Variants in CDH7 observed in about 807,000 individuals in gnomAD.
The protein encoded by CDH7 is cadherin 7.
Under a neutral mutation model 71.8 loss-of-function variants are expected in CDH7, and 25 were observed. The ratio of observed to expected loss-of-function variants is 0.35; its 90% CI spans 0.25 to 0.49. The LOEUF is 0.49. Among genes scored for constraint, CDH7 ranks in the 20% least tolerant of loss-of-function variants. The pLI, the probability that CDH7 is intolerant of heterozygous loss-of-function variation, is 0.99. For synonymous variants in CDH7, 381 were observed against 363.8 expected, an observed-to-expected ratio of 1.05 and a Z score of -0.54; for missense variants, 862 against 974.6, an observed-to-expected ratio of 0.88 and a Z score of 1.54.
intron 6 of CDH7, among the ~76,000 whole-genome samples, chr18:65,840,953 A>G (rs1248398520): frequency 6.6e-6 from 1 of 152,144 alleles, no homozygotes; most frequent in Admixed American, 6.5e-5. Context: ...ACTATATTAC[A>G]TATCTAGAAA....
chr18:65,823,893 C>T (rs996874536), intron 5 of CDH7, among the ~76,000 whole-genome samples: 5 of 151,730 alleles, frequency 3.3e-5, no homozygotes, highest in African/African-American at 4.8e-5. Flanking sequence ...TAGCATGCTG[C>T]GGTGTTTCGT....
In CDH7 at chr18:65,888,913, T is replaced by C. The variant is rs1419091019; in HGVS notation, c.*8019T>C. 6.6e-6 allele frequency: 1 copy of C among 152,226 alleles called. No homozygotes were observed. Among genetic ancestry groups the C allele is most frequent in the East Asian group, 1.9e-4 (1 of 5,190 alleles). 9.4% of individuals were successfully genotyped at this position (152,226 alleles called of 1,614,324 possible). On this transcript the variant is annotated 3_prime_UTR_variant, in exon 12 of 12. Coordinates refer to ENST00000397968, the MANE Select transcript of CDH7 (RefSeq NM_004361.5). ...AAGAAGATAGCTGAAACTCTAATAATTGGACTTTCCAATCTTAATTATGCT... is the reference window on the plus strand; with the variant it reads ...AAGAAGATAGCTGAAACTCTAATAACTGGACTTTCCAATCTTAATTATGCT...
intron 10 of CDH7, 68 bp from the exon 11 acceptor site, chr18:65,862,598 T>A (rs1913605488): frequency 8.0e-6 from 12 of 1,500,254 alleles, no homozygotes; most frequent in Non-Finnish European, 1.1e-5. Context: ...TAGAGTGACT[T>A]AAATAAAGTT....
At chr18:65,797,707 G>T (rs17783381) in intron 2 of CDH7, among the ~76,000 whole-genome samples, 29,802 of 152,108 alleles carry the variant, frequency 0.2, 3,581 homozygotes, top group Non-Finnish European at 0.27. Flanking sequence ...TTATGCCAGA[G>T]ACTTTTTGAG....
At position 65,814,600 on chromosome 18, in the gene CDH7, G is replaced by C. The variant is rs1911659642; in HGVS notation, c.621G>C (p.Lys207Asn). 7.5e-6 allele frequency: 12 copies of C among 1,606,652 alleles called. No homozygotes were observed. In the East Asian group the frequency reaches 2.7e-4, roughly 36 times the overall value. ...AGCCGTACTTCTCAGTGGAGCCAAA[G>C]ACAGGTAAAAATTGAAATGTGACAT... Reference protein sequence around the residue: ...QGQPYFSVEPKTGVIKTALPN... With the variant: ...QGQPYFSVEPNTGVIKTALPN... The change falls in exon 4 of 12, where the codon AAG becomes AAC. Residue 207 changes from lysine (K) to asparagine (N), a missense_variant. Lys to Asn is a moderately conservative substitution (Grantham distance 94). Transcript: ENST00000397968.
chr18:65,868,277 TA>T (rs893129682), intron 11 of CDH7, among the ~76,000 whole-genome samples: 1 of 152,196 alleles, frequency 6.6e-6, no homozygotes, highest in African/African-American at 2.4e-5. Context: ...GACATCAGCC[TA>T]AGTGCTTTAC....
chr18:65,861,903 T>C (rs527822441), intron 10 of CDH7, among the ~76,000 whole-genome samples: 3 of 152,240 alleles, frequency 2.0e-5, no homozygotes, highest in African/African-American at 7.2e-5. Context: ...ATAAATACTC[T>C]TATTATTTAA....
chr18:65,870,857 T>C (rs999861156), intron 11 of CDH7, among the ~76,000 whole-genome samples: 1 of 152,218 alleles, frequency 6.6e-6, no homozygotes, highest in Admixed American at 6.5e-5. Context: ...GTAGTGATCT[T>C]CGTCTCTCTG....
intron 11 of CDH7, among the ~76,000 whole-genome samples, chr18:65,875,010 A>G (rs1914034340): frequency 6.6e-6 from 1 of 152,164 alleles, no homozygotes; most frequent in South Asian, 2.1e-4. Flanking sequence ...GTGGCCCAGG[A>G]TGGCTTTGAA....
At chr18:65,791,566 C>A (rs142565757) in intron 2 of CDH7, among the ~76,000 whole-genome samples, 253 of 152,278 alleles carry the variant, frequency 1.7e-3, no homozygotes, top group African/African-American at 5.9e-3. Flanking sequence ...GCTCTCCATT[C>A]CACTCTGGGC....
intron 2 of CDH7, among the ~76,000 whole-genome samples, chr18:65,782,079 T>TCCC (rs1910300625): frequency 2.3e-5 from 1 of 43,146 alleles, no homozygotes; most frequent in African/African-American, 2.1e-4. Context: ...TCTTTCTTTC[T>TCCC]TTCCTTCCTT....
intron 11 of CDH7, among the ~76,000 whole-genome samples, chr18:65,870,527 A>T (rs1337044245): frequency 6.6e-6 from 1 of 152,128 alleles, no homozygotes. Context: ...CTCATGGTCC[A>T]CAAAGCAAGG....
At chr18:65,811,898 A>C (rs11874580) in intron 3 of CDH7, among the ~76,000 whole-genome samples, 8,946 of 151,742 alleles carry the variant, frequency 0.059, 375 homozygotes, top group South Asian at 0.12. Flanking sequence ...TAAGTTAAAT[A>C]AATTATATTA....
At chr18:65,878,589 A>G (rs1914134463) in intron 11 of CDH7, among the ~76,000 whole-genome samples, 1 of 152,188 alleles carries the variant, frequency 6.6e-6, no homozygotes, top group Non-Finnish European at 1.5e-5. Context: ...GGTGAATACC[A>G]GACTACTTAT....
Position 65,859,713 on chromosome 18 carries a change from C to T in CDH7, c.1500C>T (p.Ile500=). The stretch of plus-strand genomic sequence containing the variant: ...TTTACTTTCTCTTTTCCTAGGTTAT[C>T]CAGAAAATCAGTGCTGTGGATAAAG... ...VCENAQPGQV[I]QKISAVDKDE... is the part of the protein sequence containing the mutation. The change falls in exon 10 of 12, where the codon ATC becomes ATT. Residue 500 remains isoleucine (I), a synonymous_variant. Coordinates refer to ENST00000397968, the MANE Select transcript of CDH7 (RefSeq NM_004361.5). 12 of 1,591,798 alleles carry T rather than the reference C, an allele frequency of 7.5e-6. No individual in the cohort carries two copies. The highest frequency in any genetic ancestry group is 1.0e-5 in the Non-Finnish European group (12 of 1,159,960).
intron 2 of CDH7, among the ~76,000 whole-genome samples, chr18:65,771,533 C>T (rs759099051): frequency 1.3e-5 from 2 of 151,572 alleles, no homozygotes; most frequent in Non-Finnish European, 2.9e-5. Flanking sequence ...ATTAGCCGGA[C>T]GTCATTGCAT....
chr18:65,768,382 G>A (rs1476812832), intron 2 of CDH7, among the ~76,000 whole-genome samples: 1 of 152,078 alleles, frequency 6.6e-6, no homozygotes. Context: ...CTACAGGCAT[G>A]TACCACCATA....
rs1475814297 is a variant in CDH7 at position 65,890,317 on chromosome 18, A to G, written c.*9423A>G. ...GTGATCAGGATGCCCAAGCAATTTTAATTAAAATCAGATAATTAAATATGG... is the reference window on the plus strand; with the variant it reads ...GTGATCAGGATGCCCAAGCAATTTTGATTAAAATCAGATAATTAAATATGG... On this transcript the variant is annotated 3_prime_UTR_variant, in exon 12 of 12. Coordinates refer to ENST00000397968, the MANE Select transcript of CDH7 (RefSeq NM_004361.5). 6.6e-6 allele frequency: 1 copy of G among 152,240 alleles called. No homozygotes were observed. Among genetic ancestry groups the G allele is most frequent in the African/African-American group, 2.4e-5 (1 of 41,468 alleles). 9.4% of individuals were successfully genotyped at this position (152,240 alleles called of 1,614,324 possible).
At chr18:65,810,574 G>A (rs1039543829) in intron 3 of CDH7, among the ~76,000 whole-genome samples, 7 of 152,068 alleles carry the variant, frequency 4.6e-5, no homozygotes, top group African/African-American at 1.7e-4. Flanking sequence ...TTTAAGATCA[G>A]GGATACATGT....
Sources: gnomAD v4.1 joint callset for allele counts (sites outside exome capture counted in the v4.1 genomes callset) on GRCh38, gnomAD v4.1.1 for gene constraint, MANE v1.5 for transcripts, NCBI Gene and HGNC (gene_info 2026-07-23, HGNC 2026-07-21) for gene names.